The following RAB3IL1 variants were observed in gnomAD, a reference collection of about 807,000 sequenced individuals.
RAB3IL1 encodes RAB3A interacting protein like 1.
In RAB3IL1, 37 loss-of-function variants were observed where a neutral mutation model predicts 49.2. That is an observed-to-expected ratio of 0.75 (90% CI 0.58 to 0.99). RAB3IL1 has a LOEUF of 0.99. RAB3IL1 is among the 50% of genes least tolerant of loss of function. The pLI is 0.00. For missense variants in RAB3IL1, 484 were observed against 513.0 expected (o/e 0.94, Z 0.55); for synonymous variants, 193 against 213.9 (o/e 0.90, Z 0.85).
intron 1 of RAB3IL1, 48 bp from the exon 2 acceptor site, chr11:61,908,354 C>A: frequency 7.2e-7 from 1 of 1,390,052 alleles, no homozygotes. Flanking sequence ...GGTCCTGAGG[C>A]CTGGAGAGCT....
At chr11:61,933,067 C>T in the RAB3IL1 span, among the ~76,000 whole-genome samples, 1 of 152,146 alleles carries the variant, frequency 6.6e-6, no homozygotes, top group Non-Finnish European at 1.5e-5. Context: ...CCATGCCTGG[C>T]CAGTTCATTC....
At chr11:61,931,522 G>A in the RAB3IL1 span, among the ~76,000 whole-genome samples, 2 of 152,028 alleles carry the variant, frequency 1.3e-5, no homozygotes, top group Non-Finnish European at 2.9e-5. Context: ...GAGCAATCAA[G>A]GATTATTAGA....
chr11:61,921,569 C>G (rs1038575371), upstream of RAB3IL1, among the ~76,000 whole-genome samples: 56 of 152,286 alleles, frequency 3.7e-4, no homozygotes, highest in African/African-American at 1.2e-3. Flanking sequence ...CACCAGAGCC[C>G]TTAGACACAT....
At chr11:61,921,275 G>A (rs911367634), upstream of RAB3IL1, among the ~76,000 whole-genome samples, 4 of 152,178 alleles carry the variant, frequency 2.6e-5, no homozygotes, top group South Asian at 2.1e-4. Flanking sequence ...ACACAGGCCC[G>A]GGGTCAGACG....
the RAB3IL1 span, among the ~76,000 whole-genome samples, chr11:61,939,083 A>C: frequency 6.6e-6 from 1 of 152,088 alleles, no homozygotes; most frequent in African/African-American, 2.4e-5. Flanking sequence ...CAGAATATAC[A>C]TTCTTCTCAA....
intron 9 of RAB3IL1, among the ~76,000 whole-genome samples, 184 bp downstream of exon 9, chr11:61,899,130 A>T (rs1416276006): frequency 6.6e-6 from 1 of 152,094 alleles, no homozygotes; most frequent in Non-Finnish European, 1.5e-5. Context: ...AGCCGGACGG[A>T]CTCAGGTACA....
chr11:61,922,749 T>G (rs1939936037), upstream of RAB3IL1, among the ~76,000 whole-genome samples: 1 of 152,100 alleles, frequency 6.6e-6, no homozygotes, highest in Admixed American at 6.5e-5. Context: ...CACTTGGGCT[T>G]TGGGCTGCGA....
the RAB3IL1 span, among the ~76,000 whole-genome samples, chr11:61,926,615 G>A: frequency 1.3e-5 from 2 of 152,058 alleles, no homozygotes; most frequent in African/African-American, 2.4e-5. Flanking sequence ...GTGTAGTGCC[G>A]CCATCTCAGC....
At chr11:61,904,440 T>C in intron 7 of RAB3IL1, 106 bp downstream of exon 7, 1 of 1,127,618 alleles carries the variant, frequency 8.9e-7, no homozygotes, top group Non-Finnish European at 1.3e-6. Context: ...CAACTGTCCC[T>C]GTCCTGTCGG....
chr11:61,933,112 C>T, the RAB3IL1 span, among the ~76,000 whole-genome samples: 1 of 152,052 alleles, frequency 6.6e-6, no homozygotes, highest in South Asian at 2.1e-4. Flanking sequence ...ATGATAGGAC[C>T]ATAACTGTGG....
chr11:61,904,415 G>A (rs1035823343), intron 7 of RAB3IL1, 131 bp downstream of exon 7: 71 of 932,882 alleles, frequency 7.6e-5, no homozygotes, highest in Non-Finnish European at 1.1e-4. Context: ...CTGCCTCCTT[G>A]CCCTGTGGGG....
intron 7 of RAB3IL1, among the ~76,000 whole-genome samples, chr11:61,903,899 ACAGCCTCTG>A (rs1939044337): frequency 6.6e-6 from 1 of 151,984 alleles, no homozygotes; most frequent in African/African-American, 2.4e-5. Flanking sequence ...TCTGGCCCCA[ACAGCCTCTG>A]CAGCCTCCAC....
chr11:61,907,322 C>T (rs1939240636), intron 4 of RAB3IL1, 71 bp downstream of exon 4: 1 of 1,526,910 alleles, frequency 6.5e-7, no homozygotes, highest in Non-Finnish European at 9.0e-7. Context: ...GGCAGCAAAG[C>T]TCAGTGCTCG....
the RAB3IL1 span, among the ~76,000 whole-genome samples, chr11:61,929,440 G>A: frequency 7.9e-6 from 1 of 126,320 alleles, no homozygotes; most frequent in African/African-American, 2.5e-5. Flanking sequence ...AGAAGGCAGA[G>A]GTGCAGTGAG....
At chr11:61,926,555 G>A in the RAB3IL1 span, among the ~76,000 whole-genome samples, 1 of 152,024 alleles carries the variant, frequency 6.6e-6, no homozygotes, top group Admixed American at 6.6e-5. Context: ...GTTGCTGCAG[G>A]ATCTGATTCT....
At chr11:61,919,159 C>G (rs568365102), upstream of RAB3IL1, among the ~76,000 whole-genome samples, 29 of 152,308 alleles carry the variant, frequency 1.9e-4, no homozygotes, top group African/African-American at 5.5e-4. Context: ...TCACAAGCCC[C>G]GGCAGGAGAT....
chr11:61,922,856 C>G (rs1939937404), upstream of RAB3IL1, among the ~76,000 whole-genome samples: 1 of 152,248 alleles, frequency 6.6e-6, no homozygotes, highest in Non-Finnish European at 1.5e-5. Flanking sequence ...TTTTGCTCCT[C>G]TCTGATCCCC....
chr11:61,907,679 G>A lies in RAB3IL1; in HGVS notation c.265-19C>T. 1 of 1,610,634 alleles carries A rather than the reference G, an allele frequency of 6.2e-7. No homozygotes were observed. Among genetic ancestry groups the A allele is most frequent in the African/African-American group, 1.3e-5 (1 of 74,932 alleles). On this transcript the variant is annotated intron_variant, in intron 2 of 9. Coordinates refer to ENST00000394836, the MANE Select transcript of RAB3IL1 (RefSeq NM_013401.4). Reference sequence around the variant, plus strand: ...TCAGCTCCTGGAGGAAAAGAGGCAGGCACTTGAGCACCTCAGCATCCCCAG... The same window carrying A: ...TCAGCTCCTGGAGGAAAAGAGGCAGACACTTGAGCACCTCAGCATCCCCAG...
chr11:61,937,076 C>T, the RAB3IL1 span, among the ~76,000 whole-genome samples: 1 of 152,026 alleles, frequency 6.6e-6, no homozygotes, highest in Non-Finnish European at 1.5e-5. Context: ...GTTAGTATTA[C>T]TGTATTTTTA....
Sources: gnomAD v4.1 joint callset for allele counts (sites outside exome capture counted in the v4.1 genomes callset) on GRCh38, gnomAD v4.1.1 for gene constraint, MANE v1.5 for transcripts, NCBI Gene and HGNC (gene_info 2026-07-23, HGNC 2026-07-21) for gene names.